Variants in ARHGEF7 observed in about 807,000 individuals in gnomAD.
ARHGEF7 encodes Rho guanine nucleotide exchange factor 7.
ARHGEF7 carries 33 observed loss-of-function variants against 109.8 expected under a neutral mutation model. That is an observed-to-expected ratio of 0.30 (90% CI 0.23 to 0.40). The LOEUF is 0.40. Ranked by LOEUF, ARHGEF7 falls within the 10% of genes least tolerant of loss-of-function variation. The pLI is 1.00. For missense variants in ARHGEF7, 938 were observed against 1,098.5 expected, an observed-to-expected ratio of 0.85 and a Z score of 2.07; for synonymous variants, 458 against 424.6, an observed-to-expected ratio of 1.08 and a Z score of -0.97.
intron 1 of ARHGEF7, chr13:111,144,301 A>G (rs1566622017): frequency 6.6e-6 from 1 of 152,274 alleles, no homozygotes; most frequent in Non-Finnish European, 1.5e-5. Context: ...CAAAAGAGAA[A>G]CATGCTTTAA....
intron 3 of ARHGEF7, among the ~76,000 whole-genome samples, chr13:111,208,321 T>C (rs2153473386): frequency 6.6e-6 from 1 of 152,364 alleles, no homozygotes; most frequent in South Asian, 2.1e-4. Context: ...ATTACAGGCA[T>C]GAGCCACTGC....
rs57876493 is a variant in ARHGEF7 at position 111,123,192 on chromosome 13, C to G, written c.165+7501C>G. Among the ~76,000 whole-genome samples, 763 of 152,316 alleles carry G rather than the reference C, an allele frequency of 5.0e-3. 13 individuals carry two copies. Among genetic ancestry groups the G allele is most frequent in the African/African-American group, 0.017 (700 of 41,560 alleles). The stretch of plus-strand genomic sequence containing the variant: ...GCCAGTGTTAGTTCCTAGCCCAGGC[C>G]TTGGAAAGGCTTGCACTTTTCTGCA... On this transcript the variant is annotated intron_variant, in intron 1 of 21. Coordinates refer to ENST00000646102, the MANE Select transcript of ARHGEF7 (RefSeq NM_001354046.2).
chr13:111,179,414 A>G (rs533425284), intron 2 of ARHGEF7, among the ~76,000 whole-genome samples: 15 of 152,094 alleles, frequency 9.9e-5, no homozygotes, highest in Non-Finnish European at 1.9e-4. Context: ...TATTTTGCCA[A>G]CTGTGTAAGT....
intron 8 of ARHGEF7, among the ~76,000 whole-genome samples, chr13:111,254,337 A>C (rs2090154425): frequency 6.6e-6 from 1 of 152,250 alleles, no homozygotes; most frequent in South Asian, 2.1e-4. Flanking sequence ...ATTTTGAGTC[A>C]AGTTGTTTGA....
chr13:111,280,453 C>T (rs1416714276), intron 14 of ARHGEF7, 85 bp from the exon 15 acceptor site: 10 of 1,580,094 alleles, frequency 6.3e-6, no homozygotes, highest in South Asian at 2.3e-5. Flanking sequence ...GGTGTTTAAG[C>T]GCTGAGTGGA....
intron 1 of ARHGEF7, among the ~76,000 whole-genome samples, chr13:111,137,732 T>G (rs1356808662): frequency 6.6e-6 from 1 of 152,134 alleles, no homozygotes; most frequent in African/African-American, 2.4e-5. Flanking sequence ...AGAGAAACAA[T>G]CTCCATTAAG....
chr13:111,287,677 G>A (rs1486505647), intron 17 of ARHGEF7, among the ~76,000 whole-genome samples: 1 of 152,168 alleles, frequency 6.6e-6, no homozygotes, highest in Non-Finnish European at 1.5e-5. Context: ...TGTCTGGGGA[G>A]GAGCTCTCCA....
At chr13:111,244,162 G>A (rs1311045081) in intron 7 of ARHGEF7, 37 bp from the exon 8 acceptor site, 2 of 1,453,238 alleles carry the variant, frequency 1.4e-6, no homozygotes, top group Non-Finnish European at 9.5e-7. Context: ...AAATAAAACT[G>A]TTTACATATG....
At chr13:111,288,058 T>G (rs1259807523) in intron 17 of ARHGEF7, among the ~76,000 whole-genome samples, 2 of 152,244 alleles carry the variant, frequency 1.3e-5, no homozygotes, top group Non-Finnish European at 2.9e-5. Context: ...CTGCCCTTTT[T>G]TCAGTTTGAG....
chr13:111,242,126 C>T (rs1371111424), intron 6 of ARHGEF7, among the ~76,000 whole-genome samples: 1 of 152,166 alleles, frequency 6.6e-6, no homozygotes, highest in Non-Finnish European at 1.5e-5. Flanking sequence ...CCTGCAGGGC[C>T]CCTCGCTCTG....
At chr13:111,297,468 C>T (rs1226636669) in intron 19 of ARHGEF7, among the ~76,000 whole-genome samples, 1 of 152,220 alleles carries the variant, frequency 6.6e-6, no homozygotes, top group Non-Finnish European at 1.5e-5. Context: ...AGTAACCGTA[C>T]CAGTTCTTAG....
chr13:111,293,865 G>A, intron 19 of ARHGEF7: 1 of 985,344 alleles, frequency 1.0e-6, no homozygotes, highest in Non-Finnish European at 1.2e-6. Flanking sequence ...CTTGTCCTGG[G>A]AGCCGGGTCC....
At chr13:111,270,298 C>T (rs111862710) in intron 9 of ARHGEF7, among the ~76,000 whole-genome samples, 2,178 of 152,326 alleles carry the variant, frequency 0.014, 18 homozygotes, top group South Asian at 0.024. Context: ...AGCACTGTGT[C>T]GGTAAGGACT....
chr13:111,280,706 A>T, intron 15 of ARHGEF7, 29 bp downstream of exon 15: 1 of 1,492,710 alleles, frequency 6.7e-7, no homozygotes, highest in Non-Finnish European at 8.9e-7. Flanking sequence ...TCCTCCTTCC[A>T]GACTCCAGGC....
intron 1 of ARHGEF7, among the ~76,000 whole-genome samples, chr13:111,141,449 A>G (rs1302287913): frequency 1.3e-5 from 2 of 152,108 alleles, no homozygotes; most frequent in East Asian, 1.9e-4. Context: ...CTATGGGGGA[A>G]GTGTCGCACA....
chr13:111,175,149 C>T (rs374517781), intron 2 of ARHGEF7, among the ~76,000 whole-genome samples: 8 of 152,180 alleles, frequency 5.3e-5, no homozygotes, highest in Non-Finnish European at 8.8e-5. Flanking sequence ...TATTTCTTTT[C>T]GTAATAGTTC....
At chr13:111,193,837 A>G (rs927057205) in intron 2 of ARHGEF7, among the ~76,000 whole-genome samples, 3 of 152,240 alleles carry the variant, frequency 2.0e-5, no homozygotes, top group South Asian at 2.1e-4. Flanking sequence ...AGTCTGGACT[A>G]TAATTTGTTG....
intron 2 of ARHGEF7, among the ~76,000 whole-genome samples, chr13:111,189,769 T>C (rs2079655961): frequency 6.6e-6 from 1 of 152,210 alleles, no homozygotes; most frequent in South Asian, 2.1e-4. Context: ...TTACAAACCT[T>C]TGGCTGGACA....
rs139396826 is a variant in ARHGEF7, at chr13:111,260,781, A to G, written c.951-6767A>G. ...TTAAAAGATGAACTGATAAAAAACT[A>G]CAAGTTTTCAAGACAGTACAGTAAG... On this transcript the variant is annotated intron_variant, in intron 8 of 21. Transcript: ENST00000646102. Among the ~76,000 whole-genome samples the G allele has an allele frequency of 1.1e-3, 168 of 152,350 alleles. 1 individual carries two copies. Among genetic ancestry groups the G allele is most frequent in the South Asian group, 4.3e-3 (21 of 4,830 alleles).
Sources: allele counts gnomAD v4.1 joint callset (sites outside exome capture counted in the v4.1 genomes callset), GRCh38; gene constraint gnomAD v4.1.1; transcripts MANE v1.5; gene names NCBI Gene and HGNC (gene_info 2026-07-23, HGNC 2026-07-21).